Variants in SCLY observed in about 807,000 individuals in gnomAD.
SCLY encodes selenocysteine lyase, also known as putative selenocysteine lyase.
A neutral mutation model predicts 50.1 loss-of-function variants in SCLY; 38 were observed. The ratio of observed to expected loss-of-function variants is 0.76; its 90% confidence interval spans 0.59 to 0.99. The LOEUF is 0.99. Ranked by LOEUF, SCLY falls within the 50% of genes least tolerant of loss-of-function variation. SCLY has a pLI of 0.00. For missense variants in SCLY, 600 were observed against 620.0 expected (o/e 0.97, Z 0.34); for synonymous variants, 243 against 249.4 (o/e 0.97, Z 0.24).
chr2:238,064,501 G>A (rs1343502866), intron 2 of SCLY, 32 bp downstream of exon 2: 4 of 1,467,898 alleles, frequency 2.7e-6, no homozygotes, highest in Non-Finnish European at 3.8e-6. Flanking sequence ...GTTCACTGAT[G>A]GGAGATAATG....
chr2:238,074,354 C>T lies in SCLY; in HGVS notation c.484+4877C>T, dbSNP rs192943232. ...GAGTCAAAAGTTAGACACAAATTTT[C>T]GACTACCTGAGGGGTCCACATCCCT... is the stretch of plus-strand genomic sequence containing the variant. On this transcript the variant is annotated intron_variant, in intron 4 of 11. Coordinates refer to ENST00000254663, the MANE Select transcript of SCLY (RefSeq NM_016510.7). Among the ~76,000 whole-genome samples, 297 of 151,918 alleles carry T rather than the reference C, an allele frequency of 2.0e-3. 1 individual carries two copies. The highest frequency in any genetic ancestry group is 6.9e-3 in the Middle Eastern group (2 of 290).
In SCLY at chr2:238,071,757, C is replaced by T. The variant is rs2065130051; in HGVS notation, c.484+2280C>T. Among the ~76,000 whole-genome samples the T allele has an allele frequency of 2.6e-5, 4 of 152,208 alleles. No individual in the cohort carries two copies. The South Asian group carries it at 8.3e-4, about 32-fold the overall frequency. On this transcript the variant is annotated intron_variant, in intron 4 of 11. Transcript: ENST00000254663. Reference sequence around the variant, plus strand: ...GCTAAATAACTTAAAAACCTAACCCCCAGTTCTTGGTTTATCAACACAAGC... The same window carrying T: ...GCTAAATAACTTAAAAACCTAACCCTCAGTTCTTGGTTTATCAACACAAGC...
At chr2:238,076,772 T>G (rs1213304724) in intron 4 of SCLY, among the ~76,000 whole-genome samples, 1 of 152,192 alleles carries the variant, frequency 6.6e-6, no homozygotes, top group Non-Finnish European at 1.5e-5. Context: ...TGTTTTTTAA[T>G]TTCTAAGATT....
At chr2:238,095,035 T>C (rs1446655746) in intron 10 of SCLY, among the ~76,000 whole-genome samples, 1 of 152,092 alleles carries the variant, frequency 6.6e-6, no homozygotes, top group East Asian at 1.9e-4. Context: ...ACCCCATCTC[T>C]ACCAAAAACT....
chr2:238,071,605 T>C (rs78082394), intron 4 of SCLY, among the ~76,000 whole-genome samples: 13,445 of 152,202 alleles, frequency 0.088, 752 homozygotes, highest in African/African-American at 0.16. Flanking sequence ...GGTGAGACAC[T>C]GTCTCCAAAA....
chr2:238,062,675 G>A (rs544094920), intron 1 of SCLY, among the ~76,000 whole-genome samples: 4 of 152,360 alleles, frequency 2.6e-5, no homozygotes, highest in African/African-American at 9.6e-5. Context: ...GCCTCCCAAA[G>A]TGCCGGGATT....
At chr2:238,081,525 T>C (rs984406614) in intron 4 of SCLY, 184 bp from the exon 5 acceptor site, 2 of 722,146 alleles carry the variant, frequency 2.8e-6, no homozygotes, top group Non-Finnish European at 4.4e-6. Flanking sequence ...ACGTTCACAC[T>C]GAAGCACCTG....
intron 4 of SCLY, chr2:238,080,638 C>G (rs2249283): frequency 0.32 from 49,278 of 152,370 alleles, 8,137 homozygotes; most frequent in East Asian, 0.52. Flanking sequence ...AGCTCCTCCC[C>G]CTTTTCTAGA....
In SCLY at chr2:238,067,112, G is replaced by C. The variant is rs2249434; in HGVS notation, c.203-953G>C. On this transcript the variant is annotated intron_variant, in intron 2 of 11. Transcript: ENST00000254663. The surrounding 1 kb of genome is among the most constrained non-coding windows in gnomAD (Gnocchi z 4.3). ...GACACAGCCAAACCATTATCACTGA[G>C]AGAGGGAAGGCTGAGAGTGAGGGTG... Among the ~76,000 whole-genome samples the C allele has an allele frequency of 0.11, 16,263 of 152,178 alleles. 1,097 individuals carry two copies. The highest frequency in any genetic ancestry group is 0.17 in the Middle Eastern group (50 of 294).
intron 8 of SCLY, 103 bp from the exon 9 acceptor site, chr2:238,093,758 G>T: frequency 9.4e-7 from 1 of 1,058,802 alleles, no homozygotes; most frequent in Non-Finnish European, 1.4e-6. Context: ...ACTGTCAGGA[G>T]AATGAGCAGT....
chr2:238,067,991 T>C lies in SCLY; in HGVS notation c.203-74T>C. On this transcript the variant is annotated intron_variant, in intron 2 of 11. Transcript: ENST00000254663. The surrounding 1 kb of genome is among the most constrained non-coding windows in gnomAD (Gnocchi z 4.3). ...ACGCAGACCTCTTATTCCTTTGTAT[T>C]TGGTTGTCCTTTTAGATGCGTTGAT... 9.0e-7 allele frequency: 1 copy of C among 1,112,630 alleles called. No individual in the cohort carries two copies. Among genetic ancestry groups the C allele is most frequent in the Non-Finnish European group, 1.3e-6 (1 of 749,044 alleles). 68.9% of individuals were successfully genotyped at this position (1,112,630 alleles called of 1,614,324 possible). A position where few individuals can be genotyped will look rare whatever the true frequency, so the allele number is the denominator to read the frequency against.
At chr2:238,096,635 C>T (rs1331281058) in intron 10 of SCLY, among the ~76,000 whole-genome samples, 166 bp from the exon 11 acceptor site, 2 of 152,250 alleles carry the variant, frequency 1.3e-5, no homozygotes, top group Non-Finnish European at 2.9e-5. Context: ...TTTTCTTCGG[C>T]TCCTGCTGTG....
intron 11 of SCLY, among the ~76,000 whole-genome samples, chr2:238,097,726 G>T (rs1291776504): frequency 6.6e-6 from 1 of 152,234 alleles, no homozygotes; most frequent in East Asian, 1.9e-4. Flanking sequence ...GCCTCCAACA[G>T]CCTTGCTTCA....
rs185765191 is a variant in SCLY at position 238,088,233 on chromosome 2, G to A, written c.885-2985G>A. On this transcript the variant is annotated intron_variant, in intron 7 of 11. Transcript: ENST00000254663. Reference sequence around the variant, plus strand: ...TCCCAGAACTTTGGGAGGCCAAGGCGGGTAAATCACTTGAAGTCAGGAGTT... The same window carrying A: ...TCCCAGAACTTTGGGAGGCCAAGGCAGGTAAATCACTTGAAGTCAGGAGTT... Among the ~76,000 whole-genome samples the A allele has an allele frequency of 5.3e-5, 8 of 152,314 alleles. No individual in the cohort carries two copies. The East Asian group carries it at 7.7e-4, about 15-fold the overall frequency.
At chr2:238,061,480 G>GC in intron 1 of SCLY, 1 of 409,576 alleles carries the variant, frequency 2.4e-6, no homozygotes, top group East Asian at 6.9e-5. Flanking sequence ...AACCGGCAGA[G>GC]CCCCTGAGCC....
rs1691357850 is a variant in SCLY, at chr2:238,098,668, T to TGGGACCGCCCACATGGGA, written c.*313_*314insGGGACCGCCCACATGGGA. On this transcript the variant is annotated 3_prime_UTR_variant, in exon 12 of 12. Transcript: ENST00000254663. ...ACATGGGACCGCCCACATAGAACCG[T>TGGGACCGCCCACATGGGA]CCTCCAGTGGTGAAGCGGAAACACT... The TGGGACCGCCCACATGGGA allele has an allele frequency of 1.4e-4, 14 of 101,202 alleles. No individual in the cohort carries two copies. The highest frequency in any genetic ancestry group is 2.1e-4 in the Non-Finnish European group (13 of 61,968). 6.3% of individuals were successfully genotyped at this position (101,202 alleles called of 1,614,324 possible). A position where few individuals can be genotyped will look rare whatever the true frequency, so the allele number is the denominator to read the frequency against.
At chr2:238,092,389 A>C (rs1304052858) in intron 8 of SCLY, 1 of 152,340 alleles carries the variant, frequency 6.6e-6, no homozygotes, top group African/African-American at 2.4e-5. Flanking sequence ...CAGCCGGAAG[A>C]GTGTGTTTTA....
rs528757509 is a variant in SCLY, at chr2:238,083,951, A to G, written c.884+597A>G. Among the ~76,000 whole-genome samples the G allele has an allele frequency of 2.6e-5, 4 of 152,362 alleles. No homozygotes were observed. The highest frequency in any genetic ancestry group is 1.3e-4 in the Admixed American group (2 of 15,290). The stretch of plus-strand genomic sequence containing the variant: ...TAAGGGCAGACACAAAAATGCCCCA[A>G]CCAAAGCCTGTCCTCTCTAGCCAGT... On this transcript the variant is annotated intron_variant, in intron 7 of 11. Transcript: ENST00000254663. The surrounding 1 kb of genome is among the most constrained non-coding windows in gnomAD (Gnocchi z 4.3).
In SCLY at chr2:238,066,865, G is replaced by A. The variant is rs1334302108; in HGVS notation, c.203-1200G>A. ...CTGGGGAGGCCCCACAATCACGGAG[G>A]AAGGCGAAAGAGGAGCAAAGTCACA... On this transcript the variant is annotated intron_variant, in intron 2 of 11. Transcript: ENST00000254663. The surrounding 1 kb of genome is among the most constrained non-coding windows in gnomAD (Gnocchi z 4.1). 6.6e-6 allele frequency among the ~76,000 whole-genome samples: 1 copy of A among 152,202 alleles called. No homozygotes were observed. The highest frequency in any genetic ancestry group is 2.4e-5 in the African/African-American group (1 of 41,442).
Sources: gnomAD v4.1 joint callset for allele counts (sites outside exome capture counted in the v4.1 genomes callset) on GRCh38, gnomAD v4.1.1 for gene constraint, Gnocchi (gnomAD v3.1) non-coding constraint, MANE v1.5 for transcripts, NCBI Gene and HGNC (gene_info 2026-07-23, HGNC 2026-07-21) for gene names.